TGFB2: variants seen among roughly 807,000 people sequenced by gnomAD.
The protein encoded by TGFB2 is transforming growth factor beta-2 proprotein.
Under a neutral mutation model 42.7 loss-of-function variants are expected in TGFB2, and 13 were observed. The observed-to-expected ratio is 0.30, with a 90% CI of 0.20 to 0.48. The LOEUF (loss-of-function observed/expected upper bound fraction) is 0.48. TGFB2 is among the 20% of genes least tolerant of loss of function. The pLI is 0.99. For synonymous variants in TGFB2, 193 were observed against 193.6 expected (o/e 1.00, Z 0.03); for missense variants, 390 against 517.5 (o/e 0.75, Z 2.39).
chr1:218,392,470 G>A (rs531310236), intron 1 of TGFB2, among the ~76,000 whole-genome samples: 79 of 152,346 alleles, frequency 5.2e-4, no homozygotes, highest in Non-Finnish European at 9.7e-4. Context: ...TGTAGCTCTT[G>A]TAGAAAGCAG....
intron 1 of TGFB2, among the ~76,000 whole-genome samples, chr1:218,400,483 G>A (rs1658680095): frequency 6.6e-6 from 1 of 152,026 alleles, no homozygotes; most frequent in African/African-American, 2.4e-5. Flanking sequence ...CCACAAGATT[G>A]ATAACACATT....
chr1:218,381,282 GTC>G (rs1366830825), intron 1 of TGFB2, among the ~76,000 whole-genome samples: 2 of 143,842 alleles, frequency 1.4e-5, no homozygotes, highest in Non-Finnish European at 3.0e-5. Context: ...TTGAGACAGA[GTC>G]TCGCTCTGTT....
rs1416921521 is a variant in TGFB2, at chr1:218,345,994, C to A, written c.-708C>A. On this transcript the variant is annotated 5_prime_UTR_variant, in exon 1 of 7. Transcript: ENST00000366930. Reference sequence around the variant, plus strand: ...CTGCGGCACCCGACCGAGTACCGAGCGCCCTGCGAAGCGCACCCTCCTCCC... The same window carrying A: ...CTGCGGCACCCGACCGAGTACCGAGAGCCCTGCGAAGCGCACCCTCCTCCC... Among the ~76,000 whole-genome samples, 1 of 151,732 alleles carries A rather than the reference C, an allele frequency of 6.6e-6. No homozygotes were observed. Among genetic ancestry groups the A allele is most frequent in the African/African-American group, 2.4e-5 (1 of 41,316 alleles).
At chr1:218,436,580 G>T (rs1374264581) in intron 5 of TGFB2, among the ~76,000 whole-genome samples, 1 of 152,214 alleles carries the variant, frequency 6.6e-6, no homozygotes, top group Non-Finnish European at 1.5e-5. Context: ...GACAGCAGAA[G>T]AATGCCGTGT....
intron 2 of TGFB2, among the ~76,000 whole-genome samples, chr1:218,416,322 A>G (rs966801317): frequency 2.0e-5 from 3 of 151,614 alleles, no homozygotes; most frequent in African/African-American, 7.3e-5. Context: ...AATGTTCAGT[A>G]TGCCAACTAT....
intron 2 of TGFB2, among the ~76,000 whole-genome samples, chr1:218,432,055 G>C (rs1199396324): frequency 2.6e-5 from 4 of 152,124 alleles, no homozygotes; most frequent in African/African-American, 4.8e-5. Context: ...GTCATTGAAT[G>C]TTTTCTTGAC....
At position 218,419,295 on chromosome 1, in the gene TGFB2, G is replaced by C. The variant is rs1240201196; in HGVS notation, c.510+13963G>C. 2.6e-5 allele frequency among the ~76,000 whole-genome samples: 4 copies of C among 152,054 alleles called. No homozygotes were observed. The East Asian group carries it at 7.7e-4, about 29-fold the overall frequency. ...GTGGCCACTGTTCCCTCCACCCACAGTGCTTTTCCCAACTACCCATATGGT... is the reference window on the plus strand; with the variant it reads ...GTGGCCACTGTTCCCTCCACCCACACTGCTTTTCCCAACTACCCATATGGT... On this transcript the variant is annotated intron_variant, in intron 2 of 6. Coordinates refer to ENST00000366930, the MANE Select transcript of TGFB2 (RefSeq NM_003238.6).
At chr1:218,382,755 C>A (rs1378987148) in intron 1 of TGFB2, among the ~76,000 whole-genome samples, 1 of 152,134 alleles carries the variant, frequency 6.6e-6, no homozygotes, top group Non-Finnish European at 1.5e-5. Context: ...ATGAATCGGC[C>A]AGTCTCTGGG....
In TGFB2 at chr1:218,346,009, A is replaced by G. The variant is rs1474008264; in HGVS notation, c.-693A>G. Among the ~76,000 whole-genome samples the G allele has an allele frequency of 1.3e-5, 2 of 149,520 alleles. No individual in the cohort carries two copies. Among genetic ancestry groups the G allele is most frequent in the Non-Finnish European group, 3.0e-5 (2 of 67,460 alleles). On this transcript the variant is annotated 5_prime_UTR_variant, in exon 1 of 7. Transcript: ENST00000366930. This position sits in a 1 kb window ranked among gnomAD's most constrained non-coding sequence, Gnocchi z 4.9. ...GAGTACCGAGCGCCCTGCGAAGCGC[A>G]CCCTCCTCCCCGCGGTGCGCTGGGC...
chr1:218,426,900 G>A (rs1288598889), intron 2 of TGFB2, among the ~76,000 whole-genome samples: 1 of 152,148 alleles, frequency 6.6e-6, no homozygotes, highest in Non-Finnish European at 1.5e-5. Context: ...ACATGGATGT[G>A]CCAATTACCA....
intron 1 of TGFB2, among the ~76,000 whole-genome samples, chr1:218,367,484 T>C (rs1328378899): frequency 6.6e-6 from 1 of 152,236 alleles, no homozygotes; most frequent in Non-Finnish European, 1.5e-5. Flanking sequence ...CTGTGCCCCC[T>C]GGTATTCTGA....
At chr1:218,355,248 A>G (rs1217570753) in intron 1 of TGFB2, among the ~76,000 whole-genome samples, 1 of 152,198 alleles carries the variant, frequency 6.6e-6, no homozygotes. Flanking sequence ...AAATTTTGAT[A>G]AATTTTATTG....
chr1:218,374,107 A>C (rs1657662263), intron 1 of TGFB2, among the ~76,000 whole-genome samples: 1 of 152,194 alleles, frequency 6.6e-6, no homozygotes, highest in Admixed American at 6.5e-5. Flanking sequence ...TATAAACTCC[A>C]GTGTTTTCAT....
chr1:218,352,097 C>A (rs1313468426), intron 1 of TGFB2, among the ~76,000 whole-genome samples: 1 of 151,966 alleles, frequency 6.6e-6, no homozygotes, highest in East Asian at 1.9e-4. Flanking sequence ...GCCACTCCAG[C>A]CCGCCTCCCC....
At position 218,441,290 on chromosome 1, in the gene TGFB2, C is replaced by G. The variant is rs763526591; in HGVS notation, c.1173C>G (p.Leu391=). 7 of 1,613,840 alleles carry G rather than the reference C, an allele frequency of 4.3e-6. 2 individuals are homozygous for G. In the South Asian group the frequency reaches 5.5e-5, roughly 13 times the overall value. The change falls in exon 7 of 7, where the codon CTC becomes CTG. Residue 391 remains leucine, a synonymous_variant. Transcript: ENST00000366930. ...VSQDLEPLTI[L]YYIGKTPKIE... ...AAGATTTAGAACCTCTAACCATTCT[C>G]TACTACATTGGCAAAACACCCAAGA...
chr1:218,381,810 T>C (rs1402354175), intron 1 of TGFB2, among the ~76,000 whole-genome samples: 1 of 152,040 alleles, frequency 6.6e-6, no homozygotes, highest in Non-Finnish European at 1.5e-5. Context: ...GATGAGATAG[T>C]GCTACTAGGT....
chr1:218,405,127 A>G lies in TGFB2; in HGVS notation c.347-42A>G, dbSNP rs368898930. On this transcript the variant is annotated intron_variant, in intron 1 of 6. Coordinates refer to ENST00000366930, the MANE Select transcript of TGFB2 (RefSeq NM_003238.6). ...CGCTACAGTCTTCTCTGAAAGCACA[A>G]TGGATTTTATCATTTTCAATGATTG... The G allele has an allele frequency of 8.4e-6, 13 of 1,539,080 alleles. No homozygotes were observed. In the African/African-American group the frequency reaches 1.1e-4, roughly 13 times the overall value.
intron 2 of TGFB2, among the ~76,000 whole-genome samples, chr1:218,431,489 TAC>T (rs1044565619): frequency 6.6e-6 from 1 of 152,232 alleles, no homozygotes; most frequent in African/African-American, 2.4e-5. Context: ...GACATATATA[TAC>T]ACACATATAT....
intron 2 of TGFB2, among the ~76,000 whole-genome samples, chr1:218,416,103 T>C (rs10482780): frequency 0.02 from 2,962 of 149,156 alleles, 109 homozygotes; most frequent in African/African-American, 0.067. Context: ...TATCAAGATG[T>C]TAAGGGCTGC....
Sources: gnomAD v4.1 joint callset for allele counts (sites outside exome capture counted in the v4.1 genomes callset) on GRCh38, gnomAD v4.1.1 for gene constraint, Gnocchi (gnomAD v3.1) non-coding constraint, MANE v1.5 for transcripts, NCBI Gene and HGNC (gene_info 2026-07-23, HGNC 2026-07-21) for gene names.